Variants in SLC12A3 observed in about 807,000 individuals in gnomAD.
SLC12A3 encodes the protein Na-Cl cotransporter.
SLC12A3 carries 104 observed loss-of-function variants against 121.0 expected under a neutral mutation model. The ratio of observed to expected loss-of-function variants is 0.86; its 90% CI spans 0.73 to 1.01. The LOEUF (loss-of-function observed/expected upper bound fraction) is 1.01. Ranked by LOEUF, SLC12A3 falls within the 50% of genes least tolerant of loss-of-function variation. SLC12A3 has a pLI of 0.00. For synonymous variants in SLC12A3, 536 were observed against 533.4 expected, an observed-to-expected ratio of 1.00 and a Z score of -0.07; for missense variants, 1,328 against 1,356.3, an observed-to-expected ratio of 0.98 and a Z score of 0.33.
chr16:56,880,432 G>A (rs1446263600), intron 12 of SLC12A3, among the ~76,000 whole-genome samples, 179 bp downstream of exon 12: 1 of 152,158 alleles, frequency 6.6e-6, no homozygotes, highest in African/African-American at 2.4e-5. Context: ...ACATCGGGGG[G>A]CCATGTGATC....
chr16:56,884,089 G>A lies in SLC12A3; in HGVS notation c.1710G>A (p.Ala570=), dbSNP rs387907471. 9.9e-5 allele frequency: 159 copies of A among 1,614,194 alleles called. No individual in the cohort carries two copies. The Middle Eastern group carries it at 2.0e-3, about 20-fold the overall frequency. Residue 570 remains alanine, a synonymous_variant, in exon 14 of 26, where the codon GCG becomes GCA. Coordinates refer to ENST00000563236, the MANE Select transcript of SLC12A3 (RefSeq NM_001126108.2). ...TCCAATACTACAACAAGTGGGCGGC[G>A]CTGTTTGGGGCTATCATCTCCGTGG... The part of the protein sequence containing the change: ...PSFQYYNKWA[A]LFGAIISVVI...
At chr16:56,899,491 G>A (rs1596944767) in intron 22 of SLC12A3, 39 bp from the exon 23 acceptor site, 1 of 1,517,246 alleles carries the variant, frequency 6.6e-7, no homozygotes, top group Non-Finnish European at 9.2e-7. Flanking sequence ...GCTGTCTCAA[G>A]AAAAAGTAAT....
intron 25 of SLC12A3, chr16:56,907,043 C>T (rs758778658): frequency 1.8e-4 from 37 of 201,304 alleles, no homozygotes; most frequent in Non-Finnish European, 3.2e-4. Flanking sequence ...AAAAAAGATG[C>T]CCAGGAGAAT....
chr16:56,868,417 C>G, intron 3 of SLC12A3, 45 bp downstream of exon 3: 1 of 1,547,364 alleles, frequency 6.5e-7, no homozygotes, highest in South Asian at 1.2e-5. Flanking sequence ...TGCCTGAATC[C>G]CATTCTTCCC....
intron 25 of SLC12A3, among the ~76,000 whole-genome samples, chr16:56,910,178 A>G (rs563089041): frequency 1.3e-5 from 2 of 152,330 alleles, no homozygotes; most frequent in Admixed American, 1.3e-4. Flanking sequence ...ATGAATTTGC[A>G]AAGCCCTAAT....
chr16:56,909,584 G>A (rs2144784755), intron 25 of SLC12A3, among the ~76,000 whole-genome samples: 1 of 152,196 alleles, frequency 6.6e-6, no homozygotes, highest in African/African-American at 2.4e-5. Flanking sequence ...GCCCAAAGAG[G>A]CCCCAGCTAT....
chr16:56,868,280 C>T lies in SLC12A3; in HGVS notation c.430-17C>T, dbSNP rs1964406281. The T allele has an allele frequency of 6.2e-7, 1 of 1,612,312 alleles. No individual in the cohort carries two copies. The highest frequency in any genetic ancestry group is 8.5e-7 in the Non-Finnish European group (1 of 1,178,856). ...GGGTGTCCACCCAGGTGGCCTCTGA[C>T]CCCCCTGTCCTCCCAGATTCGTTGC... On this transcript the variant is annotated splice_polypyrimidine_tract_variant and intron_variant, in intron 2 of 25. Transcript: ENST00000563236.
chr16:56,870,141 G>A lies in SLC12A3; in HGVS notation c.647G>A (p.Gly216Glu). The change falls in exon 5 of 26, where the codon GGG becomes GAG. Residue 216 changes from glycine (G) to glutamate (E), a missense_variant. Physicochemically the swap from Gly to Glu is moderately conservative, Grantham distance 98 (BLOSUM62 -2). Transcript: ENST00000563236. ...LISRSLGPEL[G>E]GSIGLIFAFA... ...TCCCGGAGTCTGGGCCCAGAGCTTG[G>A]GGGCTCCATCGGCCTCATTTTCGCT... 6.2e-6 allele frequency: 10 copies of A among 1,614,062 alleles called. No homozygotes were observed. The highest frequency in any genetic ancestry group is 8.5e-6 in the Non-Finnish European group (10 of 1,180,044).
chr16:56,888,724 A>G (rs1275134494), intron 18 of SLC12A3, among the ~76,000 whole-genome samples: 2 of 151,558 alleles, frequency 1.3e-5, no homozygotes, highest in South Asian at 2.1e-4. Context: ...ACGCCCGGCT[A>G]ATTTTTTGTA....
intron 13 of SLC12A3, 121 bp from the exon 14 acceptor site, chr16:56,883,928 T>G (rs1596916605): frequency 1.8e-6 from 2 of 1,088,140 alleles, no homozygotes; most frequent in Admixed American, 2.0e-5. Context: ...GGCTGGTGGG[T>G]ACAGGCTGGG....
rs763856201 is a variant in SLC12A3, at chr16:56,870,673, T to TG, written c.790dup (p.Ala264GlyfsTer47). The TG allele has an allele frequency of 9.3e-6, 15 of 1,613,954 alleles. No individual in the cohort carries two copies. The East Asian group carries it at 2.7e-4, about 29-fold the overall frequency. On this transcript the variant is annotated frameshift_variant, in exon 6 of 26. Coordinates refer to ENST00000563236, the MANE Select transcript of SLC12A3 (RefSeq NM_001126108.2). LOFTEE classifies it high-confidence loss of function. ...ACCCCATTAACGACATCCGCATCAT[T>TG]GCCGTGGTCTCGGTCACTGTGCTGC... is the stretch of plus-strand genomic sequence containing the variant.
intron 19 of SLC12A3, among the ~76,000 whole-genome samples, chr16:56,891,840 G>A (rs1456696403): frequency 1.2e-4 from 19 of 152,210 alleles, no homozygotes; most frequent in Non-Finnish European, 1.9e-4. Context: ...CCACCGCCAC[G>A]GCCCAAGGTG....
At chr16:56,888,950 A>G (rs762722326) in intron 18 of SLC12A3, among the ~76,000 whole-genome samples, 29 of 152,186 alleles carry the variant, frequency 1.9e-4, no homozygotes, top group Non-Finnish European at 3.4e-4. Flanking sequence ...GTGCACAGGG[A>G]ACCAGCTCAA....
intron 20 of SLC12A3, among the ~76,000 whole-genome samples, chr16:56,892,711 C>T (rs1271231005): frequency 1.1e-4 from 16 of 152,156 alleles, no homozygotes; most frequent in African/African-American, 3.9e-4. Flanking sequence ...GTGCACTTCC[C>T]TACCTACCCA....
chr16:56,872,869 C>G, intron 8 of SLC12A3, 83 bp downstream of exon 8: 3 of 1,563,510 alleles, frequency 1.9e-6, no homozygotes, highest in Non-Finnish European at 2.6e-6. Flanking sequence ...CTAGTGGCAT[C>G]TGCCGCTGAC....
intron 11 of SLC12A3, 81 bp from the exon 12 acceptor site, chr16:56,880,049 G>A (rs1361873549): frequency 2.9e-5 from 45 of 1,563,866 alleles, no homozygotes; most frequent in East Asian, 2.5e-4. Context: ...GCACCGAGCC[G>A]GGGCTGGAGC....
intron 25 of SLC12A3, among the ~76,000 whole-genome samples, chr16:56,912,938 A>G (rs1351817957): frequency 1.3e-5 from 2 of 151,960 alleles, no homozygotes; most frequent in East Asian, 3.9e-4. Context: ...GGCAGGAGTG[A>G]GCTTGGCATT....
chr16:56,912,057 G>A (rs894694451), intron 25 of SLC12A3, among the ~76,000 whole-genome samples: 5 of 152,222 alleles, frequency 3.3e-5, no homozygotes, highest in Admixed American at 1.3e-4. Context: ...TGACCTCAGC[G>A]CTCCAGCATC....
chr16:56,879,557 T>C lies in SLC12A3; in HGVS notation c.1351T>C (p.Ser451Pro). 1 of 1,613,644 alleles carries C rather than the reference T, an allele frequency of 6.2e-7. No homozygotes were observed. ...ATCCCCACAGACCATGAGCATGGTG[T>C]CAGGCTTCGCGCCCCTGATCACGGC... ...INYYQTMSMVSGFAPLITAGI... is the reference protein window; with the variant it reads ...INYYQTMSMVPGFAPLITAGI... The change falls in exon 11 of 26, where the codon TCA (serine) becomes CCA (proline). Residue 451 changes from serine to proline, a missense_variant. Transcript: ENST00000563236.
Sources: gnomAD v4.1 joint callset for allele counts (sites outside exome capture counted in the v4.1 genomes callset) on GRCh38, gnomAD v4.1.1 for gene constraint, MANE v1.5 for transcripts, NCBI Gene and HGNC (gene_info 2026-07-23, HGNC 2026-07-21) for gene names.